The following NRDE2 variants were observed in gnomAD, a reference collection of about 807,000 sequenced individuals.
NRDE2 encodes the protein nuclear exosome regulator NRDE2.
NRDE2 carries 76 observed loss-of-function variants against 124.2 expected under a neutral mutation model. The ratio of observed to expected loss-of-function variants is 0.61; its 90% CI spans 0.51 to 0.74. NRDE2 has a LOEUF of 0.74. NRDE2 is among the 30% of genes least tolerant of loss of function. The pLI, the probability that NRDE2 is intolerant of heterozygous loss-of-function variation, is 0.00. For missense variants in NRDE2, 1,314 were observed against 1,417.3 expected (o/e 0.93, Z 1.17); for synonymous variants, 489 against 528.1 (o/e 0.93, Z 1.01).
rs143319312 is a variant in NRDE2, at chr14:90,322,679, T to C, written c.65-4566A>G. 3.5e-3 allele frequency among the ~76,000 whole-genome samples: 535 copies of C among 152,334 alleles called. 3 individuals are homozygous for C. Among genetic ancestry groups the C allele is most frequent in the African/African-American group, 0.012 (488 of 41,570 alleles). On this transcript the variant is annotated intron_variant, in intron 1 of 13. Transcript: ENST00000354366. ...GGCACAGGTCTAGGTACTGGGGGTA[T>C]AGTGGGGAACAAGAAAGGTTCTGCT...
At position 90,275,349 on chromosome 14, in the gene NRDE2, A is replaced by G. The variant is rs1771409327; in HGVS notation, c.*2987T>C. On this transcript the variant is annotated 3_prime_UTR_variant, in exon 14 of 14. Transcript: ENST00000354366. ...GTAGCAGACTCTCAGCAACTGACTCACACGGTTCAGGAAACAAAATTCTTT... is the reference window on the plus strand; with the variant it reads ...GTAGCAGACTCTCAGCAACTGACTCGCACGGTTCAGGAAACAAAATTCTTT... 4 of 152,156 alleles carry G rather than the reference A, an allele frequency of 2.6e-5. No homozygotes were observed. Among genetic ancestry groups the G allele is most frequent in the Admixed American group, 2.0e-4 (3 of 15,274 alleles). 9.4% of individuals were successfully genotyped at this position (152,156 alleles called of 1,614,324 possible).
At chr14:90,298,490 T>C (rs1032260739) in intron 7 of NRDE2, 110 bp from the exon 8 acceptor site, 5 of 1,135,922 alleles carry the variant, frequency 4.4e-6, no homozygotes, top group South Asian at 2.5e-5. Context: ...CTTGAAATCA[T>C]GTTTGCCATC....
At chr14:90,318,665 T>C (rs113143430) in intron 1 of NRDE2, among the ~76,000 whole-genome samples, 1,910 of 152,204 alleles carry the variant, frequency 0.013, 19 homozygotes, top group Non-Finnish European at 0.021. Context: ...CCGGGTGTGG[T>C]AGCACACGCC....
chr14:90,282,947 T>C (rs73318604), intron 12 of NRDE2, among the ~76,000 whole-genome samples: 2,734 of 152,288 alleles, frequency 0.018, 83 homozygotes, highest in African/African-American at 0.062. Flanking sequence ...GCAAATAAGC[T>C]TGCATGCATG....
In NRDE2 at chr14:90,288,878, C is replaced by G; in HGVS notation, c.2497G>C (p.Glu833Gln). The G allele has an allele frequency of 6.2e-7, 1 of 1,614,194 alleles. No individual in the cohort carries two copies. The highest frequency in any genetic ancestry group is 8.5e-7 in the Non-Finnish European group (1 of 1,180,038). The change falls in exon 11 of 14, where the codon GAG becomes CAG. Residue 833 changes from glutamate (E) to glutamine (Q), a missense_variant. Glu to Gln is a conservative substitution (Grantham distance 29, BLOSUM62 2). Coordinates refer to ENST00000354366, the MANE Select transcript of NRDE2 (RefSeq NM_017970.4). ...GCCCTTCTCACTTCTGGCGACAGCT[C>G]CACCTCCAGCTCAGCATAGAGCAGA... ...LSLLYAELEV[E>Q]LSPEVRRAAT...
chr14:90,317,652 A>G (rs1264044820), intron 2 of NRDE2: 1 of 166,370 alleles, frequency 6.0e-6, no homozygotes, highest in Non-Finnish European at 1.3e-5. Flanking sequence ...AATCTTATAC[A>G]AGCTCCCTCT....
chr14:90,307,609 A>G (rs1180760923), intron 4 of NRDE2, among the ~76,000 whole-genome samples: 1 of 151,956 alleles, frequency 6.6e-6, no homozygotes, highest in Admixed American at 6.5e-5. Context: ...CCTGACCTCA[A>G]GCGATCCGCC....
chr14:90,305,241 A>G (rs1209594695), intron 4 of NRDE2, among the ~76,000 whole-genome samples: 1 of 152,194 alleles, frequency 6.6e-6, no homozygotes, highest in South Asian at 2.1e-4. Context: ...CAACTAGAAC[A>G]GTGTTAATAT....
chr14:90,322,817 T>C (rs1266943345), intron 1 of NRDE2, among the ~76,000 whole-genome samples: 4 of 152,250 alleles, frequency 2.6e-5, no homozygotes, highest in Admixed American at 2.6e-4. Flanking sequence ...AAAGATGCTT[T>C]ATTAATCAGA....
In NRDE2 at chr14:90,312,428, C is replaced by T; in HGVS notation, c.523G>A (p.Glu175Lys). Reference protein sequence around the residue: ...TDKKPDPANWEYKSLYRGDIA... With the variant: ...TDKKPDPANWKYKSLYRGDIA... The stretch of plus-strand genomic sequence containing the variant: ...TCCCCTCGGTAGAGAGACTTGTACT[C>T]CCAGTTCGCAGGATCTGGTTTCTTA... The change falls in exon 4 of 14, where the codon GAG (glutamate) becomes AAG (lysine). Residue 175 changes from glutamate (E) to lysine (K), a missense_variant. By Grantham distance (56) the Glu-to-Lys change is moderately conservative (BLOSUM62 1). Coordinates refer to ENST00000354366, the MANE Select transcript of NRDE2 (RefSeq NM_017970.4). 6.2e-7 allele frequency: 1 copy of T among 1,613,982 alleles called. No homozygotes were observed. Among genetic ancestry groups the T allele is most frequent in the Non-Finnish European group, 8.5e-7 (1 of 1,179,958 alleles).
At chr14:90,311,707 C>T (rs1313668605) in intron 4 of NRDE2, among the ~76,000 whole-genome samples, 1 of 151,792 alleles carries the variant, frequency 6.6e-6, no homozygotes, top group Admixed American at 6.6e-5. Context: ...CCCTGGGCCC[C>T]ACTGGATGAA....
intron 8 of NRDE2, among the ~76,000 whole-genome samples, chr14:90,295,423 AAAG>A (rs1884109384): frequency 1.3e-5 from 2 of 152,222 alleles, no homozygotes; most frequent in South Asian, 4.1e-4. Flanking sequence ...TGAGTTTCTC[AAAG>A]AAGAAAACTG....
Position 90,312,488 on chromosome 14 carries a change from T to C in NRDE2, c.463A>G (p.Ile155Val). The change falls in exon 4 of 14, where the codon ATT becomes GTT. Residue 155 changes from isoleucine to valine, a missense_variant. Coordinates refer to ENST00000354366, the MANE Select transcript of NRDE2 (RefSeq NM_017970.4). Reference protein sequence around the residue: ...TGHRFVWLEDIQAVTGETFRT... With the variant: ...TGHRFVWLEDVQAVTGETFRT... ...AAGGTTTCTCCCGTCACAGCCTGAA[T>C]GTCCTCAAGCCAAACAAAGCGATGT... 6.2e-7 allele frequency: 1 copy of C among 1,614,196 alleles called. No individual in the cohort carries two copies. Among genetic ancestry groups the C allele is most frequent in the South Asian group, 1.1e-5 (1 of 91,078 alleles).
At position 90,304,128 on chromosome 14, in the gene NRDE2, G is replaced by T. The variant is rs1239535998; in HGVS notation, c.812C>A (p.Pro271His). 6.2e-7 allele frequency: 1 copy of T among 1,614,160 alleles called. No homozygotes were observed. The highest frequency in any genetic ancestry group is 1.7e-5 in the Admixed American group (1 of 60,022). The stretch of plus-strand genomic sequence containing the variant: ...GGTTGACTGATCATAAATCCCCAGA[G>T]GATTCAACCAGGTTGTAACAGGAGC... Reference protein sequence around the residue: ...DAAPVTTWLNPLGIYDQSTTH... With the variant: ...DAAPVTTWLNHLGIYDQSTTH... Residue 271 changes from proline to histidine, a missense_variant, in exon 5 of 14, where the codon CCT (proline) becomes CAT (histidine). Pro to His is a moderately conservative substitution (Grantham distance 77). Coordinates refer to ENST00000354366, the MANE Select transcript of NRDE2 (RefSeq NM_017970.4).
chr14:90,313,835 T>C (rs764216616), intron 3 of NRDE2, among the ~76,000 whole-genome samples: 2 of 152,204 alleles, frequency 1.3e-5, no homozygotes, highest in Non-Finnish European at 2.9e-5. Flanking sequence ...GAACACTAAG[T>C]AGCTATTCAA....
At chr14:90,314,702 CA>C (rs1884974860) in intron 3 of NRDE2, among the ~76,000 whole-genome samples, 1 of 152,180 alleles carries the variant, frequency 6.6e-6, no homozygotes, top group Admixed American at 6.5e-5. Context: ...ACACCAATAA[CA>C]TATTCATTCA....
intron 3 of NRDE2, among the ~76,000 whole-genome samples, chr14:90,313,715 C>T (rs1024026175): frequency 2.0e-5 from 3 of 152,168 alleles, no homozygotes; most frequent in Non-Finnish European, 4.4e-5. Context: ...GTCAAAACAG[C>T]CATTAACTGT....
At position 90,268,333 on chromosome 14, in the gene NRDE2, A is replaced by G. The variant is rs1343954608; in HGVS notation, c.*10003T>C. 1 of 1,613,580 alleles carries G rather than the reference A, an allele frequency of 6.2e-7. No homozygotes were observed. Among genetic ancestry groups the G allele is most frequent in the Admixed American group, 1.7e-5 (1 of 60,010 alleles). On this transcript the variant is annotated 3_prime_UTR_variant, in exon 14 of 14. Coordinates refer to ENST00000354366, the MANE Select transcript of NRDE2 (RefSeq NM_017970.4). ...ACCTAGGTGATGGGCCCAAACTCGT[A>G]CGGGAATTGTTCCGAGTTGCTGAAG...
intron 10 of NRDE2, among the ~76,000 whole-genome samples, chr14:90,289,503 G>A (rs1178363205): frequency 6.6e-6 from 1 of 152,234 alleles, no homozygotes; most frequent in African/African-American, 2.4e-5. Flanking sequence ...AAGAGAGCCA[G>A]TACTAACTGT....
Sources: gnomAD v4.1 joint callset for allele counts (sites outside exome capture counted in the v4.1 genomes callset) on GRCh38, gnomAD v4.1.1 for gene constraint, MANE v1.5 for transcripts, NCBI Gene and HGNC (gene_info 2026-07-23, HGNC 2026-07-21) for gene names.